RBFOX3: variants seen among roughly 807,000 people sequenced by gnomAD.
RBFOX3 encodes the protein RNA binding fox-1 homolog 3.
Under a neutral mutation model 48.7 loss-of-function variants are expected in RBFOX3, and 17 were observed. That is an observed-to-expected ratio of 0.35 (90% CI 0.24 to 0.52). RBFOX3 has a LOEUF of 0.52. RBFOX3 is among the 20% of genes least tolerant of loss of function. RBFOX3 has a pLI of 0.94. For missense variants in RBFOX3, 382 were observed against 497.5 expected, an observed-to-expected ratio of 0.77 and a Z score of 2.21; for synonymous variants, 212 against 209.5, an observed-to-expected ratio of 1.01 and a Z score of -0.10.
intron 2 of RBFOX3, among the ~76,000 whole-genome samples, chr17:79,441,076 C>T (rs1020492806): frequency 1.3e-5 from 2 of 152,144 alleles, no homozygotes; most frequent in Non-Finnish European, 2.9e-5. Flanking sequence ...TGGATCAGGA[C>T]CCCAGGAAAG....
chr17:79,595,084 G>A (rs977558345), intron 1 of RBFOX3, among the ~76,000 whole-genome samples: 8 of 152,168 alleles, frequency 5.3e-5, no homozygotes, highest in Non-Finnish European at 8.8e-5. Flanking sequence ...CTGGGATGAC[G>A]CTCCCCATCC....
chr17:79,131,196 T>C (rs1201417732), intron 4 of RBFOX3, among the ~76,000 whole-genome samples: 1 of 149,460 alleles, frequency 6.7e-6, no homozygotes, highest in Non-Finnish European at 1.5e-5. Context: ...TGCTGTGTGC[T>C]CCGTGTGTTC....
At chr17:79,591,480 C>T (rs917025524) in intron 1 of RBFOX3, among the ~76,000 whole-genome samples, 242 of 152,322 alleles carry the variant, frequency 1.6e-3, no homozygotes, top group African/African-American at 5.6e-3. Flanking sequence ...TTATTGGGCA[C>T]CTACTGTGTT....
At chr17:79,141,942 C>T (rs1252604134) in intron 4 of RBFOX3, among the ~76,000 whole-genome samples, 2 of 152,304 alleles carry the variant, frequency 1.3e-5, no homozygotes, top group East Asian at 3.9e-4. Flanking sequence ...AAGGGACGCA[C>T]ACAGGTAGGA....
chr17:79,269,554 G>A (rs1265193089), intron 3 of RBFOX3, among the ~76,000 whole-genome samples: 1 of 151,904 alleles, frequency 6.6e-6, no homozygotes, highest in African/African-American at 2.4e-5. Flanking sequence ...ATTGTCACCT[G>A]GCCCTCTGGA....
intron 2 of RBFOX3, among the ~76,000 whole-genome samples, chr17:79,388,593 G>A (rs2060902018): frequency 6.6e-6 from 1 of 152,150 alleles, no homozygotes; most frequent in Non-Finnish European, 1.5e-5. Flanking sequence ...GGCTCTGAGC[G>A]CCCCTGCTCC....
chr17:79,145,854 C>T (rs911915214), intron 4 of RBFOX3, among the ~76,000 whole-genome samples: 1 of 152,264 alleles, frequency 6.6e-6, no homozygotes, highest in South Asian at 2.1e-4. Flanking sequence ...AGGTCAGCGT[C>T]TCCAACCTTT....
chr17:79,446,700 T>C (rs994476985), intron 2 of RBFOX3, among the ~76,000 whole-genome samples: 1 of 152,112 alleles, frequency 6.6e-6, no homozygotes, highest in Admixed American at 6.5e-5. Flanking sequence ...CAATTAAAAG[T>C]GGGTATAAAT....
chr17:79,331,575 C>T (rs4789888), intron 2 of RBFOX3, among the ~76,000 whole-genome samples: 18,556 of 152,220 alleles, frequency 0.12, 1,191 homozygotes, highest in East Asian at 0.2. Context: ...TGTTATTAGA[C>T]GTTTTCACAA....
intron 4 of RBFOX3, among the ~76,000 whole-genome samples, chr17:79,171,325 G>A (rs994631459): frequency 7.2e-5 from 11 of 152,308 alleles, no homozygotes; most frequent in African/African-American, 2.6e-4. Context: ...GCTTCACCAC[G>A]CTGCCATCTG....
chr17:79,632,605 C>T, the RBFOX3 span, among the ~76,000 whole-genome samples: 138 of 152,180 alleles, frequency 9.1e-4, 1 homozygote, highest in Non-Finnish European at 1.0e-3. Context: ...CACGAGTCCC[C>T]GGCCACACGC....
intron 2 of RBFOX3, among the ~76,000 whole-genome samples, chr17:79,342,854 G>A (rs2146718645): frequency 6.6e-6 from 1 of 152,320 alleles, no homozygotes; most frequent in South Asian, 2.1e-4. Context: ...AACGGGGCTT[G>A]TCACAGTATT....
intron 1 of RBFOX3, among the ~76,000 whole-genome samples, chr17:79,608,932 G>A (rs1483208824): frequency 1.1e-5 from 1 of 91,230 alleles, no homozygotes; most frequent in East Asian, 3.2e-4. Context: ...CTCCGCCCCC[G>A]CCATGCCGCC....
Position 79,171,640 on chromosome 17 carries a change from T to TA in RBFOX3, c.-33-55893dup, listed in dbSNP as rs1275582488. ...ATTTAATTACTTTTTTTTTATAAAT[T>TA]AAAAAAAAAATAGATCTTGCCACTT... On this transcript the variant is annotated intron_variant, in intron 4 of 14. Transcript: ENST00000693108. Among the ~76,000 whole-genome samples the TA allele has an allele frequency of 9.8e-3, 690 of 70,702 alleles. 11 individuals are homozygous for TA. Among genetic ancestry groups the TA allele is most frequent in the African/African-American group, 0.075 (652 of 8,676 alleles). The allele number at this position is 70,702 out of a possible 152,430, so 46.4% of individuals were successfully genotyped here.
At chr17:79,649,232 G>A in the RBFOX3 span, among the ~76,000 whole-genome samples, 41 of 152,214 alleles carry the variant, frequency 2.7e-4, no homozygotes, top group African/African-American at 9.4e-4. Context: ...CTCCCACCTT[G>A]GCTTCCCAAA....
intron 10 of RBFOX3, 91 bp from the exon 11 acceptor site, chr17:79,097,515 T>G: frequency 2.2e-6 from 2 of 910,088 alleles, no homozygotes; most frequent in Non-Finnish European, 2.6e-6. Flanking sequence ...CCCGCGCACC[T>G]AGCCCCCAAC....
Position 79,361,735 on chromosome 17 carries a change from C to T in RBFOX3, c.-174-53911G>A, listed in dbSNP as rs1011545242. ...TCATGTGTGTGTGCACACGTGTGTG[C>T]GCTGTGCAGGGGTACCCAGTGTAAC... On this transcript the variant is annotated intron_variant, in intron 2 of 14. Coordinates refer to ENST00000693108, the MANE Select transcript of RBFOX3 (RefSeq NM_001350451.2). The surrounding 1 kb of genome is among the most constrained non-coding windows in gnomAD (Gnocchi z 4.5). Among the ~76,000 whole-genome samples the T allele has an allele frequency of 1.5e-4, 23 of 152,202 alleles. No homozygotes were observed. Among genetic ancestry groups the T allele is most frequent in the Admixed American group, 7.2e-4 (11 of 15,288 alleles).
intron 2 of RBFOX3, among the ~76,000 whole-genome samples, chr17:79,365,187 T>C (rs2057557828): frequency 6.6e-6 from 1 of 152,194 alleles, no homozygotes; most frequent in Non-Finnish European, 1.5e-5. Flanking sequence ...GGGAAAATCT[T>C]AACTCCTTGC....
intron 4 of RBFOX3, among the ~76,000 whole-genome samples, chr17:79,187,885 C>G (rs1015817005): frequency 6.6e-6 from 1 of 151,904 alleles, no homozygotes; most frequent in Non-Finnish European, 1.5e-5. Context: ...ATGGGAAACC[C>G]GGCAGACACC....
Sources: gnomAD v4.1 joint callset for allele counts (sites outside exome capture counted in the v4.1 genomes callset) on GRCh38, gnomAD v4.1.1 for gene constraint, Gnocchi (gnomAD v3.1) non-coding constraint, MANE v1.5 for transcripts, NCBI Gene and HGNC (gene_info 2026-07-23, HGNC 2026-07-21) for gene names.